The following RAB5A variants were observed in gnomAD, a reference collection of about 807,000 sequenced individuals.
RAB5A encodes the protein RAB5A, member RAS oncogene family.
In RAB5A, 8 loss-of-function variants were observed where a neutral mutation model predicts 25.7. That is an observed-to-expected ratio of 0.31 (90% confidence interval 0.18 to 0.56). RAB5A has a LOEUF of 0.56. Ranked by LOEUF, RAB5A falls within the 20% of genes least tolerant of loss-of-function variation. The pLI, the probability that RAB5A is intolerant of heterozygous loss-of-function variation, is 0.91. For missense variants in RAB5A, 192 were observed against 259.7 expected, an observed-to-expected ratio of 0.74 and a Z score of 1.79; for synonymous variants, 98 against 89.8, an observed-to-expected ratio of 1.09 and a Z score of -0.52.
Position 19,950,954 on chromosome 3 carries a change from G to A in RAB5A, c.56G>A (p.Cys19Tyr), listed in dbSNP as rs1175071032. The A allele has an allele frequency of 6.2e-7, 1 of 1,613,904 alleles. No individual in the cohort carries two copies. Among genetic ancestry groups the A allele is most frequent in the Admixed American group, 1.7e-5 (1 of 60,018 alleles). Residue 19 changes from cysteine (C) to tyrosine (Y), a missense_variant, in exon 2 of 6, where the codon TGC (cysteine) becomes TAC (tyrosine). This residue lies in a region of RAB5A where 32 missense variants were observed against 32.4 expected (regional missense o/e 0.99). Coordinates refer to ENST00000273047, the MANE Select transcript of RAB5A (RefSeq NM_004162.5). The part of the protein sequence containing the change: ...PNGPNTGNKI[C>Y]QFKLVLLGES... ...GGGCCAAATACGGGAAATAAAATAT[G>A]CCAGTTCAAACTAGTACTTCTGGGA...
At chr3:19,982,198 A>G (rs1321039630) in intron 5 of RAB5A, among the ~76,000 whole-genome samples, 2 of 152,186 alleles carry the variant, frequency 1.3e-5, no homozygotes, top group Non-Finnish European at 2.9e-5. Flanking sequence ...TGATTGATGC[A>G]CCACACTCTA....
In RAB5A at chr3:19,962,852, G is replaced by C. The variant is rs907497537; in HGVS notation, c.163+11791G>C. On this transcript the variant is annotated intron_variant, in intron 2 of 5. Coordinates refer to ENST00000273047, the MANE Select transcript of RAB5A (RefSeq NM_004162.5). Reference sequence around the variant, plus strand: ...TTTTTTTTGAATCGGGGTGTCACTTGCCCAGGCTGGTGTGCAGTGACGCTG... The same window carrying C: ...TTTTTTTTGAATCGGGGTGTCACTTCCCCAGGCTGGTGTGCAGTGACGCTG... Among the ~76,000 whole-genome samples the C allele has an allele frequency of 2.0e-5, 3 of 151,806 alleles. No individual in the cohort carries two copies. In the East Asian group the frequency reaches 5.8e-4, roughly 29 times the overall value.
At chr3:19,960,546 C>T (rs1696570706) in intron 2 of RAB5A, among the ~76,000 whole-genome samples, 1 of 152,210 alleles carries the variant, frequency 6.6e-6, no homozygotes, top group Non-Finnish European at 1.5e-5. Flanking sequence ...AGCAATCAAC[C>T]TGCCTTAGCC....
chr3:19,950,102 T>G (rs1053704627), intron 1 of RAB5A, among the ~76,000 whole-genome samples: 6 of 152,218 alleles, frequency 3.9e-5, no homozygotes, highest in African/African-American at 1.4e-4. Flanking sequence ...AAGTTACAAT[T>G]ATTGTAAGTA....
intron 1 of RAB5A, 97 bp from the exon 2 acceptor site, chr3:19,950,709 A>G (rs1696409949): frequency 3.8e-6 from 2 of 519,584 alleles, no homozygotes; most frequent in Non-Finnish European, 6.7e-6. Context: ...GGTCTAGTAG[A>G]GTTTAAGATA....
rs561556808 is a variant in RAB5A, at chr3:19,956,268, C to T, written c.163+5207C>T. ...CTGGCAGATCACGAGGTCAGGAGTT[C>T]GAGACCAGCCTGGCCAACATGGTAA... On this transcript the variant is annotated intron_variant, in intron 2 of 5. Transcript: ENST00000273047. 5.9e-5 allele frequency among the ~76,000 whole-genome samples: 9 copies of T among 152,188 alleles called. No homozygotes were observed. In the South Asian group the frequency reaches 6.2e-4, roughly 11 times the overall value.
At chr3:19,962,187 C>T (rs1004828734) in intron 2 of RAB5A, among the ~76,000 whole-genome samples, 2 of 152,194 alleles carry the variant, frequency 1.3e-5, no homozygotes, top group Admixed American at 6.5e-5. Context: ...ATTCTAGTCA[C>T]AGGCCTGTAC....
chr3:19,970,696 T>C, intron 2 of RAB5A: 1 of 425,410 alleles, frequency 2.4e-6, no homozygotes, highest in Admixed American at 2.7e-5. Flanking sequence ...TTGGATAAAT[T>C]AAAGTGGTTT....
At chr3:19,958,672 T>C (rs1157371506) in intron 2 of RAB5A, among the ~76,000 whole-genome samples, 1 of 152,182 alleles carries the variant, frequency 6.6e-6, no homozygotes, top group Non-Finnish European at 1.5e-5. Context: ...GGCAAAACAC[T>C]GTCTCTACTA....
chr3:19,979,864 A>C (rs892169108), intron 5 of RAB5A: 2 of 152,132 alleles, frequency 1.3e-5, no homozygotes, highest in Non-Finnish European at 2.9e-5. Context: ...ACTGATTCTT[A>C]ACTGGGGTGT....
intron 2 of RAB5A, among the ~76,000 whole-genome samples, chr3:19,970,138 G>C (rs1009957639): frequency 6.6e-6 from 1 of 151,748 alleles, no homozygotes; most frequent in Non-Finnish European, 1.5e-5. Flanking sequence ...CAGACCTTGT[G>C]ATCCACCCAC....
At chr3:19,960,067 A>G (rs1006944892) in intron 2 of RAB5A, among the ~76,000 whole-genome samples, 3 of 152,174 alleles carry the variant, frequency 2.0e-5, no homozygotes, top group Non-Finnish European at 2.9e-5. Context: ...TTAGAATAGA[A>G]TAAGAATTCT....
chr3:19,975,586 G>A lies in RAB5A; in HGVS notation c.164-15G>A. ...GGAGAAAAATGATTGACTTATTGTA[G>A]TCCTTTTCTTTCAGCTGCTTTTCTA... On this transcript the variant is annotated splice_polypyrimidine_tract_variant and intron_variant, in intron 2 of 5. Coordinates refer to ENST00000273047, the MANE Select transcript of RAB5A (RefSeq NM_004162.5). The A allele has an allele frequency of 6.2e-7, 1 of 1,608,822 alleles. No individual in the cohort carries two copies.
rs528821452 is a variant in RAB5A at position 19,973,703 on chromosome 3, A to G, written c.164-1898A>G. Among the ~76,000 whole-genome samples the G allele has an allele frequency of 3.3e-5, 5 of 152,348 alleles. No homozygotes were observed. The South Asian group carries it at 6.2e-4, about 19-fold the overall frequency. On this transcript the variant is annotated intron_variant, in intron 2 of 5. Transcript: ENST00000273047. Reference sequence around the variant, plus strand: ...GTGATTAATGAGAATTCATAAAACTATTAATTAGAATCTAGGTCCAAATGA... The same window carrying G: ...GTGATTAATGAGAATTCATAAAACTGTTAATTAGAATCTAGGTCCAAATGA...
chr3:19,977,813 T>A (rs1696849894), intron 4 of RAB5A, among the ~76,000 whole-genome samples: 1 of 152,250 alleles, frequency 6.6e-6, no homozygotes, highest in African/African-American at 2.4e-5. Flanking sequence ...AGGGCAGTGA[T>A]GTAATTTTCA....
intron 2 of RAB5A, among the ~76,000 whole-genome samples, chr3:19,969,273 A>T (rs1407251967): frequency 6.6e-6 from 1 of 151,770 alleles, no homozygotes; most frequent in African/African-American, 2.4e-5. Flanking sequence ...TGAACTCCTG[A>T]ACTCAAGTGA....
rs907709247 is a variant in RAB5A at position 19,950,046 on chromosome 3, T to C, written c.-93-760T>C. ...GAGCAAAACCCTTTCTCCAAAAAAA[T>C]TTTTTTAAAAATGGCATGTATATTG... On this transcript the variant is annotated intron_variant, in intron 1 of 5. Transcript: ENST00000273047. Among the ~76,000 whole-genome samples, 6 of 152,046 alleles carry C rather than the reference T, an allele frequency of 3.9e-5. No individual in the cohort carries two copies. The East Asian group carries it at 9.6e-4, about 24-fold the overall frequency.
At chr3:19,952,946 T>A (rs74586719) in intron 2 of RAB5A, among the ~76,000 whole-genome samples, 119 of 148,980 alleles carry the variant, frequency 8.0e-4, no homozygotes, top group African/African-American at 3.0e-3. Flanking sequence ...TCCACCCACT[T>A]ATTTCACTGT....
chr3:19,964,069 G>C (rs1036474867), intron 2 of RAB5A, among the ~76,000 whole-genome samples: 2 of 152,206 alleles, frequency 1.3e-5, no homozygotes, highest in African/African-American at 4.8e-5. Context: ...TTATGTGCTA[G>C]GTTCTTGAAC....
Sources: allele counts gnomAD v4.1 joint callset (sites outside exome capture counted in the v4.1 genomes callset), GRCh38; gene constraint gnomAD v4.1.1; regional missense constraint gnomAD v4.1.1; transcripts MANE v1.5; gene names NCBI Gene and HGNC (gene_info 2026-07-23, HGNC 2026-07-21).